The following PRRX1 variants were observed in gnomAD, a reference collection of about 807,000 sequenced individuals.
The protein encoded by PRRX1 is paired related homeobox 1, also known as paired mesoderm homeobox protein 1.
In PRRX1, 8 loss-of-function variants were observed where a neutral mutation model predicts 24.0. The observed-to-expected ratio is 0.33, with a 90% CI of 0.20 to 0.60. The LOEUF (loss-of-function observed/expected upper bound fraction) is 0.60. Among genes scored for constraint, PRRX1 ranks in the 20% least tolerant of loss-of-function variants. PRRX1 has a pLI of 0.82. For synonymous variants in PRRX1, 160 were observed against 131.7 expected (o/e 1.22, Z -1.47); for missense variants, 281 against 322.4 (o/e 0.87, Z 0.98).
Position 170,703,144 on chromosome 1 carries a change from A to G in PRRX1, c.242-16582A>G, listed in dbSNP as rs74123160. ...TCTGGGTTAAAATTATACCCAATAC[A>G]CTGCCACGAATTCCTATCCATTTCT... On this transcript the variant is annotated intron_variant, in intron 1 of 3. Coordinates refer to ENST00000239461, the MANE Select transcript of PRRX1 (RefSeq NM_022716.4). 2.9e-3 allele frequency among the ~76,000 whole-genome samples: 448 copies of G among 152,344 alleles called. 1 individual carries two copies. The highest frequency in any genetic ancestry group is 0.01 in the African/African-American group (430 of 41,590).
intron 1 of PRRX1, among the ~76,000 whole-genome samples, chr1:170,684,153 C>T (rs370613870): frequency 1.3e-5 from 2 of 152,282 alleles, no homozygotes; most frequent in African/African-American, 4.8e-5. Context: ...TCCTGTTCCT[C>T]CTCTTTTCCC....
chr1:170,729,171 T>C (rs1655349716), intron 3 of PRRX1: 1 of 152,224 alleles, frequency 6.6e-6, no homozygotes, highest in African/African-American at 2.4e-5. Flanking sequence ...TATATTTTCA[T>C]TCAAATTAAA....
At chr1:170,666,698 G>C (rs578142849) in intron 1 of PRRX1, among the ~76,000 whole-genome samples, 1 of 152,262 alleles carries the variant, frequency 6.6e-6, no homozygotes, top group Non-Finnish European at 1.5e-5. Flanking sequence ...AGCGGCCTCG[G>C]CCAGCCTAGG....
At chr1:170,674,967 T>G (rs1653266315) in intron 1 of PRRX1, among the ~76,000 whole-genome samples, 1 of 152,256 alleles carries the variant, frequency 6.6e-6, no homozygotes, top group South Asian at 2.1e-4. Context: ...TTCTTCATTA[T>G]TGATTTTTCT....
chr1:170,681,832 AC>A (rs567920547), intron 1 of PRRX1, among the ~76,000 whole-genome samples: 134 of 152,312 alleles, frequency 8.8e-4, no homozygotes, highest in African/African-American at 3.1e-3. Flanking sequence ...AATTTGCATC[AC>A]CTAATATTGA....
chr1:170,683,563 GAGA>G (rs1262421716), intron 1 of PRRX1, among the ~76,000 whole-genome samples: 2 of 152,176 alleles, frequency 1.3e-5, no homozygotes, highest in African/African-American at 4.8e-5. Flanking sequence ...CTGCTTCCAG[GAGA>G]AGGAGTGGTT....
intron 1 of PRRX1, among the ~76,000 whole-genome samples, chr1:170,687,286 G>T (rs577204723): frequency 1.3e-5 from 2 of 152,216 alleles, no homozygotes; most frequent in South Asian, 4.1e-4. Flanking sequence ...AAGCATATTT[G>T]GTGAACAAGC....
At chr1:170,718,130 T>C (rs948529369) in intron 1 of PRRX1, among the ~76,000 whole-genome samples, 2 of 152,222 alleles carry the variant, frequency 1.3e-5, no homozygotes, top group Non-Finnish European at 2.9e-5. Flanking sequence ...TCTGACATTT[T>C]TTTCTACAGA....
At chr1:170,669,308 G>T (rs1439155162) in intron 1 of PRRX1, 2 of 151,352 alleles carry the variant, frequency 1.3e-5, no homozygotes, top group Non-Finnish European at 2.9e-5. Flanking sequence ...GACAGCAATG[G>T]GTCACACGGG....
At chr1:170,705,935 T>TACACACAAACAC (rs1553253691) in intron 1 of PRRX1, among the ~76,000 whole-genome samples, 7 of 146,426 alleles carry the variant, frequency 4.8e-5, no homozygotes, top group African/African-American at 1.8e-4. Context: ...CACACACACA[T>TACACACAAACAC]ACACACACAC....
chr1:170,719,953 C>T (rs139079197), intron 2 of PRRX1, 52 bp downstream of exon 2: 136 of 1,596,966 alleles, frequency 8.5e-5, no homozygotes, highest in Admixed American at 1.7e-4. Context: ...CTCAGAGGCA[C>T]ATCTCTGAAA....
chr1:170,734,978 C>A (rs1185412436), intron 3 of PRRX1, among the ~76,000 whole-genome samples: 2 of 152,162 alleles, frequency 1.3e-5, no homozygotes, highest in Non-Finnish European at 2.9e-5. Context: ...ATGCAGGCAA[C>A]AGAAGAGCAC....
intron 1 of PRRX1, among the ~76,000 whole-genome samples, chr1:170,686,454 G>C (rs761688214): frequency 6.6e-6 from 1 of 152,142 alleles, no homozygotes; most frequent in South Asian, 2.1e-4. Flanking sequence ...AAGGTCAAAA[G>C]TCTGAGAGTT....
At chr1:170,691,337 T>C (rs1176492871) in intron 1 of PRRX1, among the ~76,000 whole-genome samples, 1 of 152,062 alleles carries the variant, frequency 6.6e-6, no homozygotes, top group Admixed American at 6.6e-5. Context: ...CAGATCAAAC[T>C]TACATAAATA....
chr1:170,712,405 T>TGC (rs1166536564), intron 1 of PRRX1, among the ~76,000 whole-genome samples: 4 of 152,220 alleles, frequency 2.6e-5, no homozygotes, highest in African/African-American at 9.6e-5. Context: ...AGTTCTGTTA[T>TGC]GCTCTCCATC....
intron 2 of PRRX1, among the ~76,000 whole-genome samples, chr1:170,724,774 C>T (rs1301173869): frequency 6.6e-6 from 1 of 152,042 alleles, no homozygotes; most frequent in Non-Finnish European, 1.5e-5. Flanking sequence ...GGCTCTTTTT[C>T]GTTCTATATA....
At chr1:170,725,557 G>A (rs1293888381) in intron 2 of PRRX1, among the ~76,000 whole-genome samples, 2 of 152,148 alleles carry the variant, frequency 1.3e-5, no homozygotes, top group African/African-American at 4.8e-5. Context: ...ACCTCCAAGA[G>A]GGATAACTCT....
intron 2 of PRRX1, among the ~76,000 whole-genome samples, chr1:170,721,064 G>C (rs1161492576): frequency 6.6e-6 from 1 of 152,170 alleles, no homozygotes; most frequent in Non-Finnish European, 1.5e-5. Flanking sequence ...GCTAGGAAGT[G>C]TCTGAAATAG....
chr1:170,667,750 G>C (rs554007064), intron 1 of PRRX1: 1 of 152,150 alleles, frequency 6.6e-6, no homozygotes, highest in Non-Finnish European at 1.5e-5. Context: ...TGTCTCCTGC[G>C]GAGAGATGGG....
Sources: gnomAD v4.1 joint callset for allele counts (sites outside exome capture counted in the v4.1 genomes callset) on GRCh38, gnomAD v4.1.1 for gene constraint, MANE v1.5 for transcripts, NCBI Gene and HGNC (gene_info 2026-07-23, HGNC 2026-07-21) for gene names.